SEMA3E: variants seen among roughly 807,000 people sequenced by gnomAD.
SEMA3E encodes the protein semaphorin 3E, also known as semaphorin-3E.
SEMA3E carries 49 observed loss-of-function variants against 93.6 expected under a neutral mutation model. The ratio of observed to expected loss-of-function variants is 0.52; its 90% CI spans 0.42 to 0.66. The LOEUF (loss-of-function observed/expected upper bound fraction) is 0.66, where lower values mean the gene tolerates loss of function less well. Among genes scored for constraint, SEMA3E ranks in the 30% least tolerant of loss-of-function variants. SEMA3E has a pLI of 0.00. For synonymous variants in SEMA3E, 363 were observed against 330.7 expected (o/e 1.10, Z -1.06); for missense variants, 906 against 964.8 (o/e 0.94, Z 0.81).
chr7:83,523,175 C>T (rs1791083890), intron 1 of SEMA3E, among the ~76,000 whole-genome samples: 1 of 152,090 alleles, frequency 6.6e-6, no homozygotes, highest in East Asian at 1.9e-4. Context: ...ACTATGCACT[C>T]AGCGGTGATT....
intron 6 of SEMA3E, among the ~76,000 whole-genome samples, chr7:83,408,102 T>C (rs1219716699): frequency 2.0e-5 from 3 of 152,182 alleles, no homozygotes; most frequent in African/African-American, 4.8e-5. Flanking sequence ...TTCATACATT[T>C]GTTTTGTTTT....
intron 1 of SEMA3E, among the ~76,000 whole-genome samples, chr7:83,600,433 C>T (rs1466372454): frequency 6.6e-6 from 1 of 150,730 alleles, no homozygotes; most frequent in Non-Finnish European, 1.5e-5. Context: ...CATTCTCCTG[C>T]CTCAACCTCC....
intron 1 of SEMA3E, among the ~76,000 whole-genome samples, chr7:83,611,287 TA>T (rs1432357349): frequency 7.0e-6 from 1 of 142,956 alleles, no homozygotes; most frequent in Non-Finnish European, 1.5e-5. Context: ...TATTATATAT[TA>T]AATTTATATA....
intron 4 of SEMA3E, among the ~76,000 whole-genome samples, chr7:83,431,670 C>G (rs1187843180): frequency 1.2e-5 from 1 of 84,910 alleles, no homozygotes; most frequent in Non-Finnish European, 2.5e-5. Context: ...TCCCAAAATG[C>G]TGGAGTTACA....
intron 16 of SEMA3E, among the ~76,000 whole-genome samples, chr7:83,377,506 A>T (rs941330190): frequency 1.3e-5 from 2 of 152,004 alleles, no homozygotes; most frequent in Non-Finnish European, 2.9e-5. Context: ...GCAGTTTTCA[A>T]ATACAGTTTT....
chr7:83,486,984 T>C (rs1442099972), intron 2 of SEMA3E, among the ~76,000 whole-genome samples: 1 of 152,046 alleles, frequency 6.6e-6, no homozygotes, highest in Non-Finnish European at 1.5e-5. Context: ...ACCCTGAAGC[T>C]CAATGGCCAC....
At chr7:83,455,078 A>T (rs1789454232) in intron 4 of SEMA3E, among the ~76,000 whole-genome samples, 1 of 152,246 alleles carries the variant, frequency 6.6e-6, no homozygotes, top group Admixed American at 6.5e-5. Context: ...GGAAACTTTT[A>T]TCAAAACCAT....
At chr7:83,550,964 A>C (rs574327197) in intron 1 of SEMA3E, among the ~76,000 whole-genome samples, 1 of 152,276 alleles carries the variant, frequency 6.6e-6, no homozygotes, top group African/African-American at 2.4e-5. Context: ...AGTATAACAT[A>C]ATTAAAACCT....
At chr7:83,582,220 A>T (rs1208664742) in intron 1 of SEMA3E, among the ~76,000 whole-genome samples, 3 of 150,644 alleles carry the variant, frequency 2.0e-5, no homozygotes, top group Non-Finnish European at 3.0e-5. Context: ...AAACAAATAC[A>T]TCTAAATAAA....
rs982929646 is a variant in SEMA3E at position 83,508,895 on chromosome 7, A to T, written c.116-18621T>A. On this transcript the variant is annotated intron_variant, in intron 1 of 16. Coordinates refer to ENST00000643230, the MANE Select transcript of SEMA3E (RefSeq NM_012431.3). The stretch of plus-strand genomic sequence containing the variant: ...TCCTTATGTCCACCAAAAAGACAAA[A>T]ACATACTTTTTGATCTGATAATAGC... Among the ~76,000 whole-genome samples the T allele has an allele frequency of 9.9e-5, 15 of 152,184 alleles. 1 individual carries two copies. The highest frequency in any genetic ancestry group is 2.0e-4 in the Admixed American group (3 of 15,278).
chr7:83,467,424 G>C lies in SEMA3E; in HGVS notation c.337-823C>G, dbSNP rs1249774987. On this transcript the variant is annotated intron_variant, in intron 3 of 16. Transcript: ENST00000643230. The stretch of plus-strand genomic sequence containing the variant: ...AATTCACATAAAGCACCTTCAGAGA[G>C]AATTGTTAAGTAAATATGGAAAACT... Among the ~76,000 whole-genome samples the C allele has an allele frequency of 2.6e-5, 4 of 152,278 alleles. No individual in the cohort carries two copies. The East Asian group carries it at 5.8e-4, about 22-fold the overall frequency.
intron 2 of SEMA3E, among the ~76,000 whole-genome samples, chr7:83,477,583 C>A (rs946143200): frequency 1.3e-5 from 2 of 151,930 alleles, no homozygotes; most frequent in Admixed American, 6.6e-5. Flanking sequence ...GAACTATAGA[C>A]AAAATTTGTA....
At chr7:83,574,193 G>A (rs1015206873) in intron 1 of SEMA3E, among the ~76,000 whole-genome samples, 16 of 152,098 alleles carry the variant, frequency 1.1e-4, no homozygotes, top group African/African-American at 3.9e-4. Context: ...GGCTAATTCT[G>A]TCTGAAGGAC....
At position 83,407,194 on chromosome 7, in the gene SEMA3E, C is replaced by G. The variant is rs1295531534; in HGVS notation, c.716G>C (p.Arg239Thr). Residue 239 changes from arginine (R) to threonine (T), a missense_variant, in exon 7 of 17, where the codon AGA becomes ACA. Coordinates refer to ENST00000643230, the MANE Select transcript of SEMA3E (RefSeq NM_012431.3). ...AAAGAAATATACTTTGTTGTCATCT[C>G]TGTCTTCATTGTCAGGAATCATGTA... ...GSYMIPDNED[R>T]DDNKVYFFFT... 1 of 1,613,442 alleles carries G rather than the reference C, an allele frequency of 6.2e-7. No individual in the cohort carries two copies. Among genetic ancestry groups the G allele is most frequent in the South Asian group, 1.1e-5 (1 of 91,082 alleles).
intron 2 of SEMA3E, among the ~76,000 whole-genome samples, chr7:83,483,932 C>T (rs373565360): frequency 1.4e-4 from 22 of 152,256 alleles, no homozygotes; most frequent in East Asian, 7.7e-4. Flanking sequence ...AGTATTGACC[C>T]GACCCACTTC....
chr7:83,499,721 T>G (rs899160054), intron 1 of SEMA3E, among the ~76,000 whole-genome samples: 1 of 152,200 alleles, frequency 6.6e-6, no homozygotes, highest in African/African-American at 2.4e-5. Flanking sequence ...CCTTTTTATC[T>G]CATGCAGCCT....
chr7:83,481,887 T>A (rs974364264), intron 2 of SEMA3E, among the ~76,000 whole-genome samples: 1 of 152,176 alleles, frequency 6.6e-6, no homozygotes, highest in African/African-American at 2.4e-5. Flanking sequence ...ATTTAGAAAA[T>A]AATTATTTAG....
chr7:83,564,676 A>T (rs1792104533), intron 1 of SEMA3E, among the ~76,000 whole-genome samples: 1 of 152,158 alleles, frequency 6.6e-6, no homozygotes, highest in Non-Finnish European at 1.5e-5. Context: ...GTAGAAACTT[A>T]TCTGTTTTTT....
At chr7:83,612,394 G>A (rs1793284404) in intron 1 of SEMA3E, among the ~76,000 whole-genome samples, 1 of 151,910 alleles carries the variant, frequency 6.6e-6, no homozygotes, top group Non-Finnish European at 1.5e-5. Flanking sequence ...GTCATACTAT[G>A]GCAGGCACTG....
Sources: gnomAD v4.1 joint callset for allele counts (sites outside exome capture counted in the v4.1 genomes callset) on GRCh38, gnomAD v4.1.1 for gene constraint, MANE v1.5 for transcripts, NCBI Gene and HGNC (gene_info 2026-07-23, HGNC 2026-07-21) for gene names.